Variants in UMAD1 observed in about 807,000 individuals in gnomAD.
UMAD1 encodes UBAP1-MVB12-associated (UMA) domain containing 1.
In UMAD1, 8 loss-of-function variants were observed where a neutral mutation model predicts 6.1. The ratio of observed to expected loss-of-function variants is 1.30; its 90% CI spans 0.76 to 2.35. The LOEUF is 2.35. UMAD1 is among the 30% of genes most tolerant of loss of function. UMAD1 has a pLI of 0.00. For synonymous variants in UMAD1, 56 were observed against 31.4 expected (o/e 1.78, Z -2.61); for missense variants, 130 against 78.4 (o/e 1.66, Z -2.49).
Position 7,830,371 on chromosome 7 carries a change from CT to C in UMAD1, c.156+28631del, listed in dbSNP as rs1468153718. Among the ~76,000 whole-genome samples the C allele has an allele frequency of 6.6e-6, 1 of 152,172 alleles. No homozygotes were observed. Among genetic ancestry groups the C allele is most frequent in the Non-Finnish European group, 1.5e-5 (1 of 68,034 alleles). ...AGAATGTGACTGTTTGCCCTGGAGC[CT>C]TTCCAGGTTCTCCCATCAGAAGTTC... On this transcript the variant is annotated intron_variant, in intron 3 of 3. Transcript: ENST00000682710. The surrounding 1 kb of genome is among the most constrained non-coding windows in gnomAD (Gnocchi z 5.3).
chr7:7,737,097 C>T (rs1434335921), intron 2 of UMAD1, among the ~76,000 whole-genome samples: 1 of 152,198 alleles, frequency 6.6e-6, no homozygotes, highest in Non-Finnish European at 1.5e-5. Flanking sequence ...GCGAATCTGT[C>T]GTCTTTTGGA....
At chr7:7,663,015 C>G (rs13236936) in intron 1 of UMAD1, among the ~76,000 whole-genome samples, 4 of 18,396 alleles carry the variant, frequency 2.2e-4, no homozygotes, top group African/African-American at 3.3e-4. Flanking sequence ...TTGAAAAAGC[C>G]TTTTTTGCCT....
intron 3 of UMAD1, among the ~76,000 whole-genome samples, chr7:7,840,386 C>A (rs917078294): frequency 6.6e-6 from 1 of 152,084 alleles, no homozygotes; most frequent in Non-Finnish European, 1.5e-5. Context: ...CCCGGCCCCA[C>A]CCCAGACCAA....
intron 2 of UMAD1, among the ~76,000 whole-genome samples, chr7:7,703,920 C>T (rs769454450): frequency 1.3e-4 from 20 of 150,736 alleles, no homozygotes; most frequent in African/African-American, 3.4e-4. Flanking sequence ...GAAGCCTGGG[C>T]GACAGATAAC....
intron 2 of UMAD1, among the ~76,000 whole-genome samples, chr7:7,761,608 A>G (rs1781892146): frequency 6.6e-6 from 1 of 152,192 alleles, no homozygotes; most frequent in Non-Finnish European, 1.5e-5. Flanking sequence ...AGAAATCTCA[A>G]GTTTGGATGG....
chr7:7,769,847 T>A (rs1782067336), intron 2 of UMAD1, among the ~76,000 whole-genome samples: 1 of 152,100 alleles, frequency 6.6e-6, no homozygotes, highest in Non-Finnish European at 1.5e-5. Flanking sequence ...AAAGTAGGCA[T>A]TGAGAGCTGT....
chr7:7,748,701 T>C (rs17137202), intron 2 of UMAD1, among the ~76,000 whole-genome samples: 10,115 of 152,058 alleles, frequency 0.067, 375 homozygotes, highest in South Asian at 0.12. Context: ...ACCTATCATG[T>C]TGTTCTTTGG....
chr7:7,867,563 T>G (rs1054687425), intron 3 of UMAD1, among the ~76,000 whole-genome samples: 1 of 152,142 alleles, frequency 6.6e-6, no homozygotes, highest in Non-Finnish European at 1.5e-5. Context: ...CATTTCAGAT[T>G]AGCACTTCCA....
intron 2 of UMAD1, among the ~76,000 whole-genome samples, chr7:7,696,128 C>T (rs748924875): frequency 2.6e-5 from 4 of 151,688 alleles, no homozygotes; most frequent in Admixed American, 6.6e-5. Flanking sequence ...ATTGCAGCCT[C>T]CTGAGTAGCT....
intron 1 of UMAD1, among the ~76,000 whole-genome samples, chr7:7,648,181 A>G (rs1455346136): frequency 2.6e-5 from 4 of 152,110 alleles, no homozygotes; most frequent in African/African-American, 9.7e-5. Context: ...AAATCAGGAG[A>G]TTTCCATTAG....
At chr7:7,746,955 TTG>T (rs36223422) in intron 2 of UMAD1, among the ~76,000 whole-genome samples, 10,199 of 148,288 alleles carry the variant, frequency 0.069, 423 homozygotes, top group Non-Finnish European at 0.096. Flanking sequence ...GAGTGCATGT[TTG>T]TGTGTGTGTG....
At chr7:7,698,636 G>A (rs189440698) in intron 2 of UMAD1, among the ~76,000 whole-genome samples, 67 of 152,186 alleles carry the variant, frequency 4.4e-4, no homozygotes, top group Non-Finnish European at 7.8e-4. Context: ...AAGTAACCCA[G>A]TTGTAATGTG....
chr7:7,863,933 C>T (rs1443982712), intron 3 of UMAD1, among the ~76,000 whole-genome samples: 3 of 152,228 alleles, frequency 2.0e-5, no homozygotes, highest in Non-Finnish European at 4.4e-5. Flanking sequence ...CTTAGCCCAC[C>T]TAGAAATACA....
intron 2 of UMAD1, among the ~76,000 whole-genome samples, chr7:7,678,432 T>C (rs971015636): frequency 2.1e-5 from 3 of 143,662 alleles, no homozygotes; most frequent in South Asian, 2.1e-4. Context: ...TTATATATTA[T>C]TTAATATATA....
At chr7:7,648,924 C>T (rs1328060539) in intron 1 of UMAD1, among the ~76,000 whole-genome samples, 4 of 151,762 alleles carry the variant, frequency 2.6e-5, no homozygotes, top group East Asian at 1.9e-4. Context: ...TTTGGGAGGC[C>T]GAGGTGGGTG....
At chr7:7,842,422 A>T (rs80085691) in intron 3 of UMAD1, among the ~76,000 whole-genome samples, 31 of 152,054 alleles carry the variant, frequency 2.0e-4, no homozygotes, top group African/African-American at 6.7e-4. Context: ...CAGCTTTAAA[A>T]CCTGATTTGG....
At chr7:7,744,285 G>T (rs571041411) in intron 2 of UMAD1, among the ~76,000 whole-genome samples, 1 of 152,214 alleles carries the variant, frequency 6.6e-6, no homozygotes, top group Middle Eastern at 3.4e-3. Context: ...ATATCCCATT[G>T]TACGGCTATC....
At position 7,797,396 on chromosome 7, in the gene UMAD1, G is replaced by A. The variant is rs955979653; in HGVS notation, c.83-4274G>A. ...CACTCAGTGTATTGACTTACCACAT[G>A]CATGAACAATGAACCTATTATGGTT... On this transcript the variant is annotated intron_variant, in intron 2 of 3. Coordinates refer to ENST00000682710, the MANE Select transcript of UMAD1 (RefSeq NM_001302348.2). Among the ~76,000 whole-genome samples the A allele has an allele frequency of 2.6e-5, 4 of 152,174 alleles. No homozygotes were observed. The East Asian group carries it at 5.8e-4, about 22-fold the overall frequency.
At position 7,732,874 on chromosome 7, in the gene UMAD1, T is replaced by C. The variant is rs138603004; in HGVS notation, c.82+59421T>C. 3.3e-5 allele frequency among the ~76,000 whole-genome samples: 5 copies of C among 152,326 alleles called. No individual in the cohort carries two copies. The East Asian group carries it at 9.6e-4, about 29-fold the overall frequency. On this transcript the variant is annotated intron_variant, in intron 2 of 3. Transcript: ENST00000682710. Reference sequence around the variant, plus strand: ...ATAAAGGGTGGCAGTGTTCCAAAGGTAGATTAAGTTGGTCATCTATGAAAC... The same window carrying C: ...ATAAAGGGTGGCAGTGTTCCAAAGGCAGATTAAGTTGGTCATCTATGAAAC...
Sources: gnomAD v4.1 joint callset for allele counts (sites outside exome capture counted in the v4.1 genomes callset) on GRCh38, gnomAD v4.1.1 for gene constraint, Gnocchi (gnomAD v3.1) non-coding constraint, MANE v1.5 for transcripts, NCBI Gene and HGNC (gene_info 2026-07-23, HGNC 2026-07-21) for gene names.